MAMDC2: variants seen among roughly 807,000 people sequenced by gnomAD.
MAMDC2 encodes the protein MAM domain containing 2, also known as MAM domain-containing protein 2.
A neutral mutation model predicts 89.8 loss-of-function variants in MAMDC2; 57 were observed. The observed-to-expected ratio is 0.63, with a 90% CI of 0.51 to 0.79. The LOEUF is 0.79. Among genes scored for constraint, MAMDC2 ranks in the 30% least tolerant of loss-of-function variants. MAMDC2 has a pLI of 0.00. For missense variants in MAMDC2, 800 were observed against 820.6 expected (o/e 0.97, Z 0.31); for synonymous variants, 313 against 293.4 (o/e 1.07, Z -0.68).
chr9:70,202,234 A>G (rs1419759306), intron 11 of MAMDC2, among the ~76,000 whole-genome samples: 1 of 149,526 alleles, frequency 6.7e-6, no homozygotes, highest in Non-Finnish European at 1.5e-5. Context: ...AATGTGTCCC[A>G]GAGATTCTGG....
intron 6 of MAMDC2, among the ~76,000 whole-genome samples, chr9:70,128,871 G>A (rs1447136695): frequency 6.6e-6 from 1 of 152,050 alleles, no homozygotes; most frequent in Non-Finnish European, 1.5e-5. Flanking sequence ...TGCCCAGGCT[G>A]GTCTCAAACT....
chr9:70,222,351 A>G (rs1295552015), intron 12 of MAMDC2, among the ~76,000 whole-genome samples: 3 of 152,192 alleles, frequency 2.0e-5, no homozygotes, highest in African/African-American at 7.2e-5. Flanking sequence ...GTAAGTAAAT[A>G]ATAGGATATG....
intron 11 of MAMDC2, among the ~76,000 whole-genome samples, chr9:70,211,543 G>T (rs1200793701): frequency 6.6e-6 from 1 of 151,984 alleles, no homozygotes; most frequent in Non-Finnish European, 1.5e-5. Flanking sequence ...TTTTTTCAAG[G>T]TTTTTAGCTT....
intron 2 of MAMDC2, among the ~76,000 whole-genome samples, chr9:70,078,646 A>G (rs866449453): frequency 2.0e-5 from 3 of 152,308 alleles, no homozygotes; most frequent in African/African-American, 7.2e-5. Context: ...GTTAATTTAT[A>G]GCTATCTGGG....
intron 11 of MAMDC2, among the ~76,000 whole-genome samples, chr9:70,203,266 G>A (rs1011213234): frequency 2.0e-5 from 3 of 151,958 alleles, no homozygotes; most frequent in Non-Finnish European, 4.4e-5. Flanking sequence ...GACAAAATCG[G>A]TCAGCATTTG....
At chr9:70,163,229 C>CTT (rs66957093) in intron 9 of MAMDC2, among the ~76,000 whole-genome samples, 76,147 of 124,922 alleles carry the variant, frequency 0.61, 23,909 homozygotes, top group Admixed American at 0.68. Flanking sequence ...TTCTTTCTTT[C>CTT]TTTTTTTTTT....
intron 2 of MAMDC2, among the ~76,000 whole-genome samples, chr9:70,096,359 A>T (rs1184964000): frequency 6.6e-6 from 1 of 152,152 alleles, no homozygotes; most frequent in East Asian, 1.9e-4. Flanking sequence ...CAGGCTAACT[A>T]AGATGAATTC....
At chr9:70,194,077 A>C (rs1002377838) in intron 11 of MAMDC2, 2 of 152,118 alleles carry the variant, frequency 1.3e-5, no homozygotes, top group Admixed American at 1.3e-4. Context: ...AGGGAGCTAT[A>C]GTTCCTGACT....
chr9:70,164,112 G>A (rs2118505013), intron 9 of MAMDC2, among the ~76,000 whole-genome samples: 1 of 152,238 alleles, frequency 6.6e-6, no homozygotes, highest in Middle Eastern at 3.4e-3. Context: ...TGGACATTTG[G>A]CAATGTCTGA....
intron 9 of MAMDC2, among the ~76,000 whole-genome samples, chr9:70,158,017 TG>T (rs1336894461): frequency 1.3e-5 from 2 of 152,160 alleles, no homozygotes; most frequent in Non-Finnish European, 2.9e-5. Flanking sequence ...AGTCCAGTGG[TG>T]TGATCATAGC....
At chr9:70,117,537 C>A (rs955522726) in intron 5 of MAMDC2, among the ~76,000 whole-genome samples, 11 of 151,992 alleles carry the variant, frequency 7.2e-5, no homozygotes, top group Admixed American at 7.2e-4. Flanking sequence ...AGCAAACCAC[C>A]ATGGCACATG....
chr9:70,161,880 A>G (rs2031987111), intron 9 of MAMDC2, among the ~76,000 whole-genome samples: 1 of 152,208 alleles, frequency 6.6e-6, no homozygotes, highest in African/African-American at 2.4e-5. Context: ...ATCTGTGCAA[A>G]TGATTTCAAA....
chr9:70,221,380 T>TATATATATAGAGAGAGAGAG, intron 12 of MAMDC2, among the ~76,000 whole-genome samples: 2 of 7,044 alleles, frequency 2.8e-4, no homozygotes, highest in African/African-American at 4.4e-4. Context: ...TATATATATA[T>TATATATATAGAGAGAGAGAG]AGAGAGAGAG....
chr9:70,151,603 C>T (rs907852706), intron 9 of MAMDC2, among the ~76,000 whole-genome samples: 4 of 152,140 alleles, frequency 2.6e-5, no homozygotes, highest in African/African-American at 9.7e-5. Flanking sequence ...TTGAAGCCTG[C>T]CTTTTAGTGC....
At chr9:70,110,550 A>G (rs1294163129) in intron 4 of MAMDC2, among the ~76,000 whole-genome samples, 1 of 152,192 alleles carries the variant, frequency 6.6e-6, no homozygotes, top group Non-Finnish European at 1.5e-5. Flanking sequence ...GGGAGAAAGA[A>G]ACAGGGCAGG....
chr9:70,102,298 C>T (rs2118225362), intron 2 of MAMDC2, among the ~76,000 whole-genome samples: 1 of 152,214 alleles, frequency 6.6e-6, no homozygotes, highest in Non-Finnish European at 1.5e-5. Context: ...GAGTAGGGTC[C>T]ACTGTACCAC....
In MAMDC2 at chr9:70,044,191, C is replaced by T. The variant is rs1826674187; in HGVS notation, c.-7C>T. 1 of 1,613,762 alleles carries T rather than the reference C, an allele frequency of 6.2e-7. No individual in the cohort carries two copies. The highest frequency in any genetic ancestry group is 8.5e-7 in the Non-Finnish European group (1 of 1,179,952). ...CCCTTCCTAGTCATCCTCCCTGAAA[C>T]GCGACCATGCTGTTAAGGGGCGTCC... On this transcript the variant is annotated 5_prime_UTR_variant, in exon 1 of 14. In the 5' UTR this introduces an upstream ATG that the reference lacks. Coordinates refer to ENST00000377182, the MANE Select transcript of MAMDC2 (RefSeq NM_153267.5).
intron 5 of MAMDC2, among the ~76,000 whole-genome samples, chr9:70,117,965 A>C (rs962841152): frequency 6.6e-6 from 1 of 152,194 alleles, no homozygotes; most frequent in East Asian, 1.9e-4. Flanking sequence ...CAGACAAAAG[A>C]TTACCTTGGT....
At chr9:70,073,603 G>A (rs1827460232) in intron 2 of MAMDC2, among the ~76,000 whole-genome samples, 1 of 152,216 alleles carries the variant, frequency 6.6e-6, no homozygotes, top group Admixed American at 6.5e-5. Flanking sequence ...ATTCTGCAGT[G>A]ATTCATAGGC....
Sources: allele counts gnomAD v4.1 joint callset (sites outside exome capture counted in the v4.1 genomes callset), GRCh38; gene constraint gnomAD v4.1.1; transcripts MANE v1.5; gene names NCBI Gene and HGNC (gene_info 2026-07-23, HGNC 2026-07-21).